SAR1B: variants seen among roughly 807,000 people sequenced by gnomAD.
The protein encoded by SAR1B is small COPII coat GTPase SAR1B.
Under a neutral mutation model 26.8 loss-of-function variants are expected in SAR1B, and 23 were observed. The observed-to-expected ratio is 0.86, with a 90% CI of 0.62 to 1.22. The LOEUF (loss-of-function observed/expected upper bound fraction) is 1.22. SAR1B is among the 50% of genes most tolerant of loss of function. The pLI, the probability that SAR1B is intolerant of heterozygous loss-of-function variation, is 0.00. For missense variants in SAR1B, 196 were observed against 232.8 expected (o/e 0.84, Z 1.03); for synonymous variants, 65 against 80.8 (o/e 0.80, Z 1.05).
chr5:134,626,866 G>A (rs773159584), intron 1 of SAR1B, among the ~76,000 whole-genome samples: 20 of 152,136 alleles, frequency 1.3e-4, no homozygotes, highest in Non-Finnish European at 2.5e-4. Flanking sequence ...GAATTAGATA[G>A]TGGTGATGTT....
intron 4 of SAR1B, among the ~76,000 whole-genome samples, chr5:134,611,188 T>C (rs754240463): frequency 3.9e-5 from 6 of 152,192 alleles, no homozygotes; most frequent in African/African-American, 7.2e-5. Flanking sequence ...TGAAACAACA[T>C]AGAAATGAAG....
intron 3 of SAR1B, 38 bp from the exon 4 acceptor site, chr5:134,612,794 G>A: frequency 6.5e-7 from 1 of 1,544,460 alleles, no homozygotes; most frequent in Non-Finnish European, 8.8e-7. Flanking sequence ...ATGAAAATTA[G>A]AAACCCATTA....
intron 1 of SAR1B, among the ~76,000 whole-genome samples, chr5:134,631,017 C>T (rs1331352815): frequency 1.3e-5 from 2 of 149,410 alleles, no homozygotes; most frequent in African/African-American, 2.5e-5. Flanking sequence ...CCCATCTCAG[C>T]AGCGAGTAGC....
intron 3 of SAR1B, chr5:134,613,471 G>A (rs1382962780): frequency 6.6e-6 from 1 of 151,956 alleles, no homozygotes; most frequent in Non-Finnish European, 1.5e-5. Flanking sequence ...TTACAAACTG[G>A]TACAATAATA....
At chr5:134,616,995 G>C (rs1375032357) in intron 3 of SAR1B, among the ~76,000 whole-genome samples, 1 of 152,138 alleles carries the variant, frequency 6.6e-6, no homozygotes, top group East Asian at 1.9e-4. Context: ...ACTTTGGGAG[G>C]CTGGATGGGA....
intron 3 of SAR1B, among the ~76,000 whole-genome samples, chr5:134,615,544 G>T (rs914028836): frequency 1.3e-5 from 2 of 151,536 alleles, no homozygotes; most frequent in East Asian, 3.9e-4. Context: ...GGCCGGGGGC[G>T]GTGGCTCACG....
chr5:134,608,295 T>C (rs1216725753), intron 6 of SAR1B, 77 bp downstream of exon 6: 1 of 1,419,606 alleles, frequency 7.0e-7, no homozygotes, highest in Non-Finnish European at 9.6e-7. Context: ...GCTTGTATAG[T>C]TGGACAATAG....
At chr5:134,628,204 C>A (rs571608408) in intron 1 of SAR1B, among the ~76,000 whole-genome samples, 648 of 151,390 alleles carry the variant, frequency 4.3e-3, no homozygotes, top group Non-Finnish European at 7.2e-3. Context: ...CGTGGAAAAA[C>A]CCCATTTCTA....
At chr5:134,615,471 C>T (rs1181381550) in intron 3 of SAR1B, among the ~76,000 whole-genome samples, 2 of 150,754 alleles carry the variant, frequency 1.3e-5, no homozygotes, top group South Asian at 2.1e-4. Flanking sequence ...GCCGAGATTG[C>T]GCCATTGCAC....
chr5:134,605,574 G>A lies in SAR1B; in HGVS notation c.*1376C>T, dbSNP rs1765111979. The A allele has an allele frequency of 6.6e-6, 1 of 151,130 alleles. No homozygotes were observed. Among genetic ancestry groups the A allele is most frequent in the Admixed American group, 6.6e-5 (1 of 15,126 alleles). 9.4% of individuals were successfully genotyped at this position (151,130 alleles called of 1,614,324 possible). A position where few individuals can be genotyped will look rare whatever the true frequency, so the allele number is the denominator to read the frequency against. On this transcript the variant is annotated 3_prime_UTR_variant, in exon 7 of 7. Coordinates refer to ENST00000402673, the MANE Select transcript of SAR1B (RefSeq NM_016103.4). ...AATCCCAGAACTTTGGGAGGCCAAG[G>A]CGGGCAGATCACTTGAGGTCAGGAG...
rs1278516341 is a variant in SAR1B at position 134,629,891 on chromosome 5, AAAAAAAAAG to A, written c.-19+2828_-19+2836del. 5.0e-3 allele frequency among the ~76,000 whole-genome samples: 764 copies of A among 151,788 alleles called. 2 individuals are homozygous for A. The highest frequency in any genetic ancestry group is 7.5e-3 in the Non-Finnish European group (509 of 67,916). On this transcript the variant is annotated intron_variant, in intron 1 of 6. Coordinates refer to ENST00000402673, the MANE Select transcript of SAR1B (RefSeq NM_016103.4). Reference sequence around the variant, plus strand: ...ACAGGGCAACATTCTGTCTCAAAAAAAAAAAAAAGAAAAAAAAGAAAAAGAAAACGAAGG... The same window carrying A: ...ACAGGGCAACATTCTGTCTCAAAAAAAAAAAAAAGAAAAAGAAAACGAAGG...
chr5:134,612,681 AGAATC>A lies in SAR1B; in HGVS notation c.244+5_244+9del. 4.4e-6 allele frequency: 5 copies of A among 1,124,642 alleles called. No individual in the cohort carries two copies. Among genetic ancestry groups the A allele is most frequent in the East Asian group, 3.1e-5 (1 of 32,464 alleles). The allele number at this position is 1,124,642 out of a possible 1,614,324, so 69.7% of individuals were successfully genotyped here. ...AAAAAAAAAAAAAAAAAAAAAAAAA[AGAATC>A]TTACCTTGAACATGTCCACCCAGAT... On this transcript the variant is annotated splice_donor_5th_base_variant and intron_variant, in intron 4 of 6. Transcript: ENST00000402673.
At chr5:134,630,889 CTT>C (rs781218368) in intron 1 of SAR1B, among the ~76,000 whole-genome samples, 47 of 69,142 alleles carry the variant, frequency 6.8e-4, no homozygotes, top group African/African-American at 2.2e-3. Flanking sequence ...CTTTTTTTTT[CTT>C]TTTTTTTTTT....
chr5:134,623,717 G>A (rs1765451057), intron 2 of SAR1B, among the ~76,000 whole-genome samples: 1 of 152,086 alleles, frequency 6.6e-6, no homozygotes, highest in Non-Finnish European at 1.5e-5. Context: ...TTAAGAGGTA[G>A]GAATTATTAC....
chr5:134,609,582 C>A lies in SAR1B; in HGVS notation c.337G>T (p.Glu113Ter). The change falls in exon 5 of 7, where the codon GAA becomes TAA. Residue 113 changes from glutamate to a stop codon, truncating the protein, a stop_gained. Coordinates refer to ENST00000402673, the MANE Select transcript of SAR1B (RefSeq NM_016103.4). LOFTEE classifies it high-confidence loss of function. The stretch of plus-strand genomic sequence containing the variant: ...GTTATTTAACTTACATCAAGTTCTT[C>A]TTTTGACTCTAACAGCCTTTCGTGG... The part of the protein sequence containing the change: ...ADHERLLESK[E>*]ELDSLMTDET... 1 of 1,613,372 alleles carries A rather than the reference C, an allele frequency of 6.2e-7. No individual in the cohort carries two copies. Among genetic ancestry groups the A allele is most frequent in the Non-Finnish European group, 8.5e-7 (1 of 1,179,308 alleles).
chr5:134,616,324 C>T (rs1765316296), intron 3 of SAR1B, among the ~76,000 whole-genome samples: 1 of 151,072 alleles, frequency 6.6e-6, no homozygotes, highest in East Asian at 2.0e-4. Flanking sequence ...GTAATCCCAG[C>T]TACTCGAGAG....
At chr5:134,628,807 C>A (rs1363878020) in intron 1 of SAR1B, among the ~76,000 whole-genome samples, 1 of 152,062 alleles carries the variant, frequency 6.6e-6, no homozygotes, top group Non-Finnish European at 1.5e-5. Flanking sequence ...GCACCCACCA[C>A]CAAGCCCAGC....
In SAR1B at chr5:134,620,984, G is replaced by A. The variant is rs759503441; in HGVS notation, c.127C>T (p.His43Tyr). The A allele has an allele frequency of 5.6e-6, 9 of 1,613,094 alleles. No individual in the cohort carries two copies. In the South Asian group the frequency reaches 7.7e-5, roughly 14 times the overall value. The change falls in exon 3 of 7, where the codon CAC (histidine) becomes TAC (tyrosine). Residue 43 changes from histidine to tyrosine, a missense_variant. Physicochemically the swap from His to Tyr is moderately conservative, Grantham distance 83. Coordinates refer to ENST00000402673, the MANE Select transcript of SAR1B (RefSeq NM_016103.4). ...LDNAGKTTLL[H>Y]MLKDDRLGQH... The stretch of plus-strand genomic sequence containing the variant: ...CCAAGTCTGTCATCTTTTAGCATGT[G>A]TAGCAATGTTGTTTTTCCTGCATTA...
At chr5:134,612,229 C>A (rs547364758) in intron 4 of SAR1B, among the ~76,000 whole-genome samples, 1 of 152,218 alleles carries the variant, frequency 6.6e-6, no homozygotes, top group East Asian at 1.9e-4. Context: ...GTTAATTTTA[C>A]TCATACACTT....
Sources: gnomAD v4.1 joint callset for allele counts (sites outside exome capture counted in the v4.1 genomes callset) on GRCh38, gnomAD v4.1.1 for gene constraint, MANE v1.5 for transcripts, NCBI Gene and HGNC (gene_info 2026-07-23, HGNC 2026-07-21) for gene names.